The following PPP4R3A variants were observed in gnomAD, a reference collection of about 807,000 sequenced individuals.
The protein encoded by PPP4R3A is serine/threonine-protein phosphatase 4 regulatory subunit 3A.
A neutral mutation model predicts 91.7 loss-of-function variants in PPP4R3A; 15 were observed. That is an observed-to-expected ratio of 0.16 (90% CI 0.11 to 0.25). The LOEUF is 0.25. Among genes scored for constraint, PPP4R3A ranks in the 10% least tolerant of loss-of-function variants. PPP4R3A has a pLI of 1.00. For synonymous variants in PPP4R3A, 377 were observed against 348.7 expected (o/e 1.08, Z -0.91); for missense variants, 623 against 998.4 (o/e 0.62, Z 5.07).
Position 91,482,887 on chromosome 14 carries a change from T to A in PPP4R3A, c.298-694A>T, listed in dbSNP as rs577120011. On this transcript the variant is annotated intron_variant, in intron 3 of 14. Coordinates refer to ENST00000554943, the MANE Select transcript of PPP4R3A (RefSeq NM_001366432.2). Reference sequence around the variant, plus strand: ...GTACCTACATAAAAATGAAGCCACATATAAAGTAAATACAACCTATATGTA... The same window carrying A: ...GTACCTACATAAAAATGAAGCCACAAATAAAGTAAATACAACCTATATGTA... 2.0e-5 allele frequency among the ~76,000 whole-genome samples: 3 copies of A among 152,192 alleles called. No individual in the cohort carries two copies. The South Asian group carries it at 6.2e-4, about 32-fold the overall frequency.
In PPP4R3A at chr14:91,492,383, C is replaced by T. The variant is rs556213457; in HGVS notation, c.143-1581G>A. ...TGGCTAAGAGTGCTCTTAACATTTC[C>T]AAATTTAGTTTGCTTTTACATCAAA... On this transcript the variant is annotated intron_variant, in intron 1 of 14. Coordinates refer to ENST00000554943, the MANE Select transcript of PPP4R3A (RefSeq NM_001366432.2). Among the ~76,000 whole-genome samples the T allele has an allele frequency of 2.0e-5, 3 of 152,316 alleles. No individual in the cohort carries two copies. The East Asian group carries it at 5.8e-4, about 29-fold the overall frequency.
intron 1 of PPP4R3A, among the ~76,000 whole-genome samples, chr14:91,502,803 GAACAGATAA>G (rs1257963579): frequency 6.6e-5 from 10 of 152,344 alleles, no homozygotes; most frequent in Admixed American, 2.6e-4. Context: ...ATGAGTCAGA[GAACAGATAA>G]AACTATTTTG....
intron 1 of PPP4R3A, among the ~76,000 whole-genome samples, chr14:91,491,899 C>T (rs1053051866): frequency 5.3e-5 from 8 of 151,440 alleles, no homozygotes; most frequent in Non-Finnish European, 1.2e-4. Flanking sequence ...TTTGTACAGA[C>T]GGGGTCTCCC....
At chr14:91,504,802 C>G (rs754507207) in intron 1 of PPP4R3A, among the ~76,000 whole-genome samples, 5 of 152,098 alleles carry the variant, frequency 3.3e-5, no homozygotes, top group Non-Finnish European at 5.9e-5. Context: ...CTTACCATGA[C>G]AGATCTGCTC....
intron 1 of PPP4R3A, among the ~76,000 whole-genome samples, chr14:91,496,788 A>G (rs1890600109): frequency 6.6e-6 from 1 of 152,216 alleles, no homozygotes. Flanking sequence ...AACACCGGAA[A>G]GTCTTTCAAC....
chr14:91,508,370 G>A (rs1009702852), intron 1 of PPP4R3A, among the ~76,000 whole-genome samples: 9 of 152,170 alleles, frequency 5.9e-5, no homozygotes, highest in Non-Finnish European at 1.3e-4. Context: ...TGGAATTGGA[G>A]TTCTGGGGAG....
At chr14:91,477,566 C>A (rs1009438627) in intron 4 of PPP4R3A, among the ~76,000 whole-genome samples, 5 of 151,940 alleles carry the variant, frequency 3.3e-5, no homozygotes, top group Non-Finnish European at 7.4e-5. Context: ...TAAAATTTAC[C>A]CAAGCCCAAT....
chr14:91,481,081 C>T (rs1273726904), intron 4 of PPP4R3A, among the ~76,000 whole-genome samples: 1 of 151,758 alleles, frequency 6.6e-6, no homozygotes, highest in Non-Finnish European at 1.5e-5. Flanking sequence ...ACCTGTAATC[C>T]CAGCACTTTG....
At position 91,509,528 on chromosome 14, in the gene PPP4R3A, C is replaced by G; in HGVS notation, c.120G>C (p.Leu40=). 1 of 1,596,892 alleles carries G rather than the reference C, an allele frequency of 6.3e-7. No homozygotes were observed. The highest frequency in any genetic ancestry group is 8.5e-7 in the Non-Finnish European group (1 of 1,176,796). Residue 40 remains leucine, a synonymous_variant, in exon 1 of 15, where the codon CTG becomes CTC. Transcript: ENST00000554943. ...GYVERLKGMS[L]LVRAESDGSL... ...TACCGTCGCTCTCAGCCCTGACAAGCAGGGACATGCCCTTCAGCCGCTCCA... is the reference window on the plus strand; with the variant it reads ...TACCGTCGCTCTCAGCCCTGACAAGGAGGGACATGCCCTTCAGCCGCTCCA...
chr14:91,496,897 A>G (rs987126054), intron 1 of PPP4R3A, among the ~76,000 whole-genome samples: 1 of 152,198 alleles, frequency 6.6e-6, no homozygotes, highest in African/African-American at 2.4e-5. Flanking sequence ...TATTGAGCCA[A>G]GTTATAAACA....
intron 4 of PPP4R3A, among the ~76,000 whole-genome samples, chr14:91,479,330 A>G (rs926574813): frequency 2.4e-4 from 19 of 79,324 alleles, no homozygotes; most frequent in South Asian, 3.6e-4. Flanking sequence ...GTGTGTGTGT[A>G]TGGGTGCAAA....
Position 91,473,338 on chromosome 14 carries a change from A to T in PPP4R3A, c.1299T>A (p.His433Gln), listed in dbSNP as rs751049083. 1 of 1,613,940 alleles carries T rather than the reference A, an allele frequency of 6.2e-7. No individual in the cohort carries two copies. The highest frequency in any genetic ancestry group is 8.5e-7 in the Non-Finnish European group (1 of 1,179,992). Residue 433 changes from histidine (H) to glutamine (Q), a missense_variant, in exon 8 of 15, where the codon CAT becomes CAA. His to Gln is a conservative substitution (Grantham distance 24). Around this residue, in one of 5 missense-constraint regions of PPP4R3A, gnomAD observed 264 missense variants for 377.3 expected, o/e 0.70. Coordinates refer to ENST00000554943, the MANE Select transcript of PPP4R3A (RefSeq NM_001366432.2). ...GTTCAGGATCTGTATCACAAATCATATGTTCTATAATGAGGTTGATGAGCA... is the reference window on the plus strand; with the variant it reads ...GTTCAGGATCTGTATCACAAATCATTTGTTCTATAATGAGGTTGATGAGCA... ...DILLINLIIE[H>Q]MICDTDPELG...
chr14:91,493,681 TTTCA>T (rs1172041848), intron 1 of PPP4R3A, among the ~76,000 whole-genome samples: 1 of 150,868 alleles, frequency 6.6e-6, no homozygotes, highest in Non-Finnish European at 1.5e-5. Context: ...CTTTGTAGTC[TTTCA>T]TTATTTTAAT....
At chr14:91,476,564 T>TTTTA (rs779567747) in intron 5 of PPP4R3A, 40 bp from the exon 6 acceptor site, 11 of 1,352,454 alleles carry the variant, frequency 8.1e-6, no homozygotes, top group East Asian at 2.5e-5. Flanking sequence ...AAAAAGTTTA[T>TTTTA]TTTATTTATT....
At position 91,485,871 on chromosome 14, in the gene PPP4R3A, A is replaced by C; in HGVS notation, c.199-141T>G. ...CAATTATCAATGTCTTTCTTTTTCAAAACAATGACTTTTTACACTTCACTT... is the reference window on the plus strand; with the variant it reads ...CAATTATCAATGTCTTTCTTTTTCACAACAATGACTTTTTACACTTCACTT... On this transcript the variant is annotated intron_variant, in intron 2 of 14. Transcript: ENST00000554943. 5 of 519,114 alleles carry C rather than the reference A, an allele frequency of 9.6e-6. No individual in the cohort carries two copies. The Admixed American group carries it at 1.7e-4, about 18-fold the overall frequency. 32.2% of individuals were successfully genotyped at this position (519,114 alleles called of 1,614,324 possible).
chr14:91,477,568 AAGCCCAATTAAGGTGGCAG>A (rs1295877810), intron 4 of PPP4R3A, among the ~76,000 whole-genome samples: 1 of 152,170 alleles, frequency 6.6e-6, no homozygotes, highest in Non-Finnish European at 1.5e-5. Flanking sequence ...AAATTTACCC[AAGCCCAATTAAGGTGGCAG>A]AGCCTTCATG....
At chr14:91,474,063 C>T (rs929032905) in intron 7 of PPP4R3A, among the ~76,000 whole-genome samples, 3 of 152,202 alleles carry the variant, frequency 2.0e-5, no homozygotes, top group Non-Finnish European at 4.4e-5. Flanking sequence ...GCCACCGTGC[C>T]TGGTCTATTG....
chr14:91,499,713 C>T (rs565423107), intron 1 of PPP4R3A, among the ~76,000 whole-genome samples: 83 of 151,012 alleles, frequency 5.5e-4, no homozygotes, highest in African/African-American at 2.0e-3. Flanking sequence ...TCCAGCTACT[C>T]GGGAAGCTGA....
At chr14:91,488,791 T>C (rs1281537968) in intron 2 of PPP4R3A, among the ~76,000 whole-genome samples, 2 of 152,076 alleles carry the variant, frequency 1.3e-5, no homozygotes, top group Admixed American at 6.5e-5. Context: ...AATACCACCA[T>C]CTATGTGGCA....
Sources: gnomAD v4.1 joint callset for allele counts (sites outside exome capture counted in the v4.1 genomes callset) on GRCh38, gnomAD v4.1.1 for gene constraint, gnomAD v4.1.1 regional missense constraint, MANE v1.5 for transcripts, NCBI Gene and HGNC (gene_info 2026-07-23, HGNC 2026-07-21) for gene names.